Variants in CENPW observed in about 807,000 individuals in gnomAD.
CENPW encodes the protein centromere protein W, also known as cancer-up-regulated gene 2 protein.
Under a neutral mutation model 11.1 loss-of-function variants are expected in CENPW, and 3 were observed. The observed-to-expected ratio is 0.27, with a 90% CI of 0.12 to 0.70. CENPW has a LOEUF of 0.70. Ranked by LOEUF, CENPW falls within the 30% of genes least tolerant of loss-of-function variation. The pLI is 0.77. For synonymous variants in CENPW, 38 were observed against 42.0 expected (o/e 0.91, Z 0.37); for missense variants, 100 against 105.6 (o/e 0.95, Z 0.23).
the CENPW span, among the ~76,000 whole-genome samples, chr6:126,391,990 T>G: frequency 6.6e-6 from 1 of 151,958 alleles, no homozygotes; most frequent in Non-Finnish European, 1.5e-5. Context: ...TTAGGATAGT[T>G]TTTTCTATTT....
chr6:126,394,608 T>C, the CENPW span, among the ~76,000 whole-genome samples: 13 of 152,262 alleles, frequency 8.5e-5, 1 homozygote, highest in Middle Eastern at 3.4e-3. Context: ...TTTTTCTGTG[T>C]ACTTCCTATT....
At chr6:126,393,197 T>C in the CENPW span, among the ~76,000 whole-genome samples, 20 of 152,052 alleles carry the variant, frequency 1.3e-4, no homozygotes, top group African/African-American at 4.8e-4. Context: ...TTAGTCTTGC[T>C]ACAGATTTGT....
the CENPW span, among the ~76,000 whole-genome samples, chr6:126,465,580 G>C: frequency 5.3e-5 from 8 of 151,880 alleles, no homozygotes; most frequent in Admixed American, 1.3e-4. Flanking sequence ...AAATAACTCT[G>C]AAAATTGGAA....
chr6:126,380,937 G>C, the CENPW span, among the ~76,000 whole-genome samples: 6 of 152,278 alleles, frequency 3.9e-5, no homozygotes, highest in South Asian at 8.3e-4. Context: ...GCGTGTGTTT[G>C]TACTTTCTTG....
the CENPW span, among the ~76,000 whole-genome samples, chr6:126,421,155 T>C: frequency 9.9e-5 from 15 of 152,274 alleles, no homozygotes; most frequent in African/African-American, 3.4e-4. Context: ...TTAAAATCCA[T>C]GTCATACTGT....
At chr6:126,392,545 A>G in the CENPW span, among the ~76,000 whole-genome samples, 100 of 152,042 alleles carry the variant, frequency 6.6e-4, 4 homozygotes, top group South Asian at 0.02. Context: ...ACACTTTTTC[A>G]GCATCAATTG....
At chr6:126,437,052 A>G in the CENPW span, among the ~76,000 whole-genome samples, 3 of 151,556 alleles carry the variant, frequency 2.0e-5, no homozygotes, top group Non-Finnish European at 2.9e-5. Context: ...GTGACTTGCT[A>G]ATTGGTAAAC....
chr6:126,394,410 A>T, the CENPW span, among the ~76,000 whole-genome samples: 18 of 152,022 alleles, frequency 1.2e-4, no homozygotes, highest in African/African-American at 4.3e-4. Context: ...CAAACAACTA[A>T]CTGGCAAAAA....
the CENPW span, among the ~76,000 whole-genome samples, chr6:126,460,905 C>T: frequency 6.6e-6 from 1 of 151,800 alleles, no homozygotes; most frequent in Admixed American, 6.6e-5. Context: ...AAAGTTTAGT[C>T]AAGGAGAAAG....
chr6:126,406,326 G>A, the CENPW span, among the ~76,000 whole-genome samples: 2 of 151,988 alleles, frequency 1.3e-5, no homozygotes, highest in Non-Finnish European at 2.9e-5. Flanking sequence ...TTATTGATAT[G>A]TTGTTGGATT....
chr6:126,451,051 C>A, the CENPW span, among the ~76,000 whole-genome samples: 1 of 151,000 alleles, frequency 6.6e-6, no homozygotes, highest in African/African-American at 2.4e-5. Flanking sequence ...TGCAAAATTT[C>A]TAATTAACAT....
the CENPW span, among the ~76,000 whole-genome samples, chr6:126,478,345 G>GA: frequency 1.3e-5 from 2 of 150,964 alleles, no homozygotes; most frequent in Non-Finnish European, 3.0e-5. Flanking sequence ...CACTAAGCTG[G>GA]AAAAAAATTC....
Position 126,346,284 on chromosome 6 carries a change from T to G in CENPW, c.206T>G (p.Val69Gly). 6.2e-7 allele frequency: 1 copy of G among 1,607,394 alleles called. No homozygotes were observed. The highest frequency in any genetic ancestry group is 8.5e-7 in the Non-Finnish European group (1 of 1,175,016). ...RTNACASKCR[V>G]INKEHVLAAA... ...AACGCTTGTGCGAGTAAATGTAGAG[T>G]CATTAACAAGGAGCATGTACTGGCC... Residue 69 changes from valine to glycine, a missense_variant, in exon 2 of 3, where the codon GTC becomes GGC. Coordinates refer to ENST00000368328, the MANE Select transcript of CENPW (RefSeq NM_001012507.4).
chr6:126,472,535 G>A, the CENPW span, among the ~76,000 whole-genome samples: 1 of 152,142 alleles, frequency 6.6e-6, no homozygotes, highest in Non-Finnish European at 1.5e-5. Flanking sequence ...GCATAGAAAT[G>A]CCAAAATCTG....
chr6:126,357,188 G>T, the CENPW span, among the ~76,000 whole-genome samples: 81 of 152,252 alleles, frequency 5.3e-4, no homozygotes, highest in African/African-American at 1.8e-3. Context: ...TATTGAATGG[G>T]GGTGCTTTCT....
the CENPW span, among the ~76,000 whole-genome samples, chr6:126,360,681 T>G: frequency 2.7e-5 from 4 of 149,780 alleles, no homozygotes; most frequent in East Asian, 2.0e-4. Flanking sequence ...AAGCTCTGGG[T>G]TTTTTTTTTC....
downstream of CENPW, among the ~76,000 whole-genome samples, chr6:126,352,955 A>G (rs969077931): frequency 3.3e-5 from 5 of 152,060 alleles, no homozygotes; most frequent in African/African-American, 1.2e-4. Flanking sequence ...GACTTGTTAT[A>G]TCCTCTATCA....
the CENPW span, among the ~76,000 whole-genome samples, chr6:126,409,383 A>C: frequency 6.6e-6 from 1 of 152,170 alleles, no homozygotes; most frequent in Non-Finnish European, 1.5e-5. Flanking sequence ...GTTCATGAGA[A>C]GAATGTGAAT....
chr6:126,374,017 T>G, the CENPW span, among the ~76,000 whole-genome samples: 833 of 152,236 alleles, frequency 5.5e-3, 12 homozygotes, highest in African/African-American at 0.019. Context: ...TTTGGGTGAC[T>G]GAAGTACTCT....
Sources: allele counts gnomAD v4.1 joint callset (sites outside exome capture counted in the v4.1 genomes callset), GRCh38; gene constraint gnomAD v4.1.1; transcripts MANE v1.5; gene names NCBI Gene and HGNC (gene_info 2026-07-23, HGNC 2026-07-21).